Variants in DLG2 observed in about 807,000 individuals in gnomAD.
DLG2 encodes disks large homolog 2.
In DLG2, 45 loss-of-function variants were observed where a neutral mutation model predicts 132.5. That is an observed-to-expected ratio of 0.34 (90% CI 0.27 to 0.44). DLG2 has a LOEUF of 0.44. Ranked by LOEUF, DLG2 falls within the 20% of genes least tolerant of loss-of-function variation. The pLI, the probability that DLG2 is intolerant of heterozygous loss-of-function variation, is 1.00. For synonymous variants in DLG2, 424 were observed against 419.6 expected (o/e 1.01, Z -0.13); for missense variants, 1,045 against 1,196.9 (o/e 0.87, Z 1.87).
At chr11:84,062,550 T>C (rs1271069118) in intron 10 of DLG2, among the ~76,000 whole-genome samples, 4 of 152,240 alleles carry the variant, frequency 2.6e-5, no homozygotes, top group African/African-American at 9.6e-5. Flanking sequence ...TATCAGCCAG[T>C]CATTTCACTT....
At chr11:84,069,036 C>G (rs1406140006) in intron 10 of DLG2, among the ~76,000 whole-genome samples, 1 of 152,148 alleles carries the variant, frequency 6.6e-6, no homozygotes, top group East Asian at 1.9e-4. Flanking sequence ...AGCCAAGTAA[C>G]AAAATCTAGA....
chr11:84,553,648 G>C (rs1278254039), intron 6 of DLG2, among the ~76,000 whole-genome samples: 1 of 152,130 alleles, frequency 6.6e-6, no homozygotes, highest in Non-Finnish European at 1.5e-5. Flanking sequence ...CACGGAGGAG[G>C]AACCATAAAG....
intron 9 of DLG2, among the ~76,000 whole-genome samples, chr11:84,122,685 C>T (rs560668954): frequency 1.3e-5 from 2 of 152,310 alleles, no homozygotes; most frequent in South Asian, 2.1e-4. Context: ...AACTAATGTT[C>T]TTTTCACTAA....
chr11:84,000,347 A>G (rs1162209772), intron 11 of DLG2, among the ~76,000 whole-genome samples: 2 of 152,148 alleles, frequency 1.3e-5, no homozygotes, highest in Non-Finnish European at 2.9e-5. Context: ...AAAGAGAATG[A>G]GCAAAGCCTT....
At chr11:83,553,899 C>CTTTT (rs754561291) in intron 19 of DLG2, among the ~76,000 whole-genome samples, 3 of 111,202 alleles carry the variant, frequency 2.7e-5, no homozygotes, top group Non-Finnish European at 3.7e-5. Flanking sequence ...CTTTTTTTTT[C>CTTTT]TTTTTTTTTT....
At chr11:84,595,665 T>C (rs991137029) in intron 6 of DLG2, among the ~76,000 whole-genome samples, 1 of 152,200 alleles carries the variant, frequency 6.6e-6, no homozygotes, top group Non-Finnish European at 1.5e-5. Flanking sequence ...AGGTTATTAC[T>C]GTTTCATTTC....
chr11:83,674,992 T>C (rs1032061910), intron 18 of DLG2, among the ~76,000 whole-genome samples: 2 of 152,254 alleles, frequency 1.3e-5, no homozygotes, highest in Non-Finnish European at 2.9e-5. Context: ...CAGAAAATTG[T>C]GAACTGTATG....
intron 8 of DLG2, among the ~76,000 whole-genome samples, chr11:84,206,137 T>C (rs955218135): frequency 1.3e-5 from 2 of 152,056 alleles, no homozygotes; most frequent in Non-Finnish European, 2.9e-5. Context: ...GAAACTCTTT[T>C]CAATGGACAC....
intron 6 of DLG2, among the ~76,000 whole-genome samples, chr11:84,972,965 T>C (rs1423111944): frequency 4.1e-5 from 6 of 144,818 alleles, no homozygotes; most frequent in Admixed American, 1.4e-4. Flanking sequence ...TTTTTTTTTC[T>C]TTTTTTTTTG....
At chr11:85,320,845 AATCATG>A (rs2081014929) in intron 3 of DLG2, among the ~76,000 whole-genome samples, 1 of 151,824 alleles carries the variant, frequency 6.6e-6, no homozygotes, top group African/African-American at 2.4e-5. Context: ...AATGAAGGTG[AATCATG>A]ACAGAAGAGG....
chr11:85,499,876 G>C (rs376485324), intron 3 of DLG2, among the ~76,000 whole-genome samples: 45 of 152,146 alleles, frequency 3.0e-4, no homozygotes, highest in Admixed American at 9.8e-4. Context: ...TGCAGAAAAG[G>C]CCTCTGACAA....
chr11:84,709,553 T>C (rs866091225), intron 6 of DLG2, among the ~76,000 whole-genome samples: 11 of 151,918 alleles, frequency 7.2e-5, no homozygotes, highest in African/African-American at 2.7e-4. Flanking sequence ...GTGAAAGAGC[T>C]TCCCCAAAGT....
chr11:85,422,251 A>C (rs1461110622), intron 3 of DLG2, among the ~76,000 whole-genome samples: 2 of 152,018 alleles, frequency 1.3e-5, no homozygotes, highest in Non-Finnish European at 2.9e-5. Flanking sequence ...GGCCAGGAAA[A>C]TTTTCCTTGA....
At chr11:83,691,355 AT>A (rs2080960852) in intron 18 of DLG2, among the ~76,000 whole-genome samples, 1 of 152,152 alleles carries the variant, frequency 6.6e-6, no homozygotes, top group Non-Finnish European at 1.5e-5. Flanking sequence ...CTTTTAATAT[AT>A]TTATGGCTAA....
At chr11:83,578,364 G>C (rs2144611887) in intron 19 of DLG2, among the ~76,000 whole-genome samples, 1 of 151,908 alleles carries the variant, frequency 6.6e-6, no homozygotes, top group East Asian at 1.9e-4. Context: ...GAAAAAAAGA[G>C]AATAGAGAAC....
chr11:84,806,213 T>G (rs930409065), intron 6 of DLG2, among the ~76,000 whole-genome samples: 13 of 152,020 alleles, frequency 8.6e-5, no homozygotes, highest in African/African-American at 3.1e-4. Context: ...ATTTGTGTCA[T>G]CAGGGTTCCA....
chr11:84,168,751 G>C (rs1390198285), intron 8 of DLG2, among the ~76,000 whole-genome samples: 1 of 151,504 alleles, frequency 6.6e-6, no homozygotes, highest in Non-Finnish European at 1.5e-5. Flanking sequence ...TCTGAGCTTG[G>C]CTCCTCTCAG....
intron 18 of DLG2, among the ~76,000 whole-genome samples, chr11:83,731,722 C>T (rs1405298957): frequency 6.6e-6 from 1 of 152,140 alleles, no homozygotes; most frequent in African/African-American, 2.4e-5. Context: ...CACTGTCTTC[C>T]ACAATGGTTG....
rs184009698 is a variant in DLG2, at chr11:85,399,660, G to T, written c.41-114295C>A. Among the ~76,000 whole-genome samples the T allele has an allele frequency of 8.6e-3, 1,302 of 152,234 alleles. 17 individuals are homozygous for T. Among genetic ancestry groups the T allele is most frequent in the Admixed American group, 0.017 (267 of 15,268 alleles). ...CAACGATCTGAACTTTGACAAACCT[G>T]AGAAAAACAATCAATGGGGAAAGGA... On this transcript the variant is annotated intron_variant, in intron 3 of 27. Coordinates refer to ENST00000376104, the MANE Select transcript of DLG2 (RefSeq NM_001142699.3).
Sources: gnomAD v4.1 joint callset for allele counts (sites outside exome capture counted in the v4.1 genomes callset) on GRCh38, gnomAD v4.1.1 for gene constraint, MANE v1.5 for transcripts, NCBI Gene and HGNC (gene_info 2026-07-23, HGNC 2026-07-21) for gene names.